Variants in TBC1D8 observed in about 807,000 individuals in gnomAD.
TBC1D8 encodes the protein TBC1 domain family member 8, also known as BUB2-like protein 1.
TBC1D8 carries 65 observed loss-of-function variants against 118.8 expected under a neutral mutation model. The observed-to-expected ratio is 0.55, with a 90% CI of 0.45 to 0.67. The LOEUF is 0.67. Ranked by LOEUF, TBC1D8 falls within the 30% of genes least tolerant of loss-of-function variation. TBC1D8 has a pLI of 0.00. For missense variants in TBC1D8, 1,376 were observed against 1,471.2 expected (o/e 0.94, Z 1.06); for synonymous variants, 566 against 595.8 (o/e 0.95, Z 0.73).
chr2:101,029,369 G>T, intron 12 of TBC1D8, 122 bp downstream of exon 12: 4 of 1,146,984 alleles, frequency 3.5e-6, no homozygotes, highest in Non-Finnish European at 4.8e-6. Flanking sequence ...TCCAGCCTGG[G>T]CAACAGAGTG....
chr2:101,029,165 G>A (rs74535930), intron 12 of TBC1D8, among the ~76,000 whole-genome samples: 17,139 of 152,206 alleles, frequency 0.11, 1,253 homozygotes, highest in East Asian at 0.28. Context: ...GAGGAGGGTG[G>A]ATCACTTGAG....
chr2:101,046,203 T>C (rs984057322), intron 5 of TBC1D8, among the ~76,000 whole-genome samples: 2 of 152,228 alleles, frequency 1.3e-5, no homozygotes, highest in African/African-American at 2.4e-5. Context: ...GAAGCTGCCA[T>C]GCAGCTGCTA....
At chr2:101,030,651 G>A (rs1680616769) in intron 11 of TBC1D8, among the ~76,000 whole-genome samples, 1 of 152,158 alleles carries the variant, frequency 6.6e-6, no homozygotes, top group South Asian at 2.1e-4. Context: ...ATTCTCCTAG[G>A]TAAATACCCA....
At position 101,033,720 on chromosome 2, in the gene TBC1D8, C is replaced by T. The variant is rs773126071; in HGVS notation, c.1642G>A (p.Gly548Arg). ...TDLASHPGYY[G>R]NLVEESLGKC... ...CCCAGGGACTCCTCCACCAGATTCC[C>T]GTAGTAACCAGGGTGTGAGGCAAGA... The change falls in exon 10 of 20, where the codon GGG (glycine) becomes AGG (arginine). Residue 548 changes from glycine to arginine, a missense_variant. Gly to Arg is a moderately radical substitution (Grantham distance 125, BLOSUM62 -2). Transcript: ENST00000409318. The T allele has an allele frequency of 1.9e-5, 31 of 1,613,708 alleles. No individual in the cohort carries two copies. The highest frequency in any genetic ancestry group is 2.5e-5 in the Non-Finnish European group (29 of 1,179,840).
At chr2:101,018,009 A>G in intron 17 of TBC1D8, 1 of 1,396,154 alleles carries the variant, frequency 7.2e-7, no homozygotes, top group Non-Finnish European at 9.9e-7. Flanking sequence ...TTCTACTTCA[A>G]GCATGTGCTC....
intron 5 of TBC1D8, among the ~76,000 whole-genome samples, chr2:101,048,994 T>A (rs934450837): frequency 2.1e-4 from 32 of 152,208 alleles, no homozygotes; most frequent in African/African-American, 7.5e-4. Context: ...ATTTTGCTGA[T>A]GACTTCATCT....
At chr2:101,142,185 C>T (rs1335663792) in intron 1 of TBC1D8, among the ~76,000 whole-genome samples, 3 of 152,116 alleles carry the variant, frequency 2.0e-5, no homozygotes, top group Middle Eastern at 3.2e-3. Flanking sequence ...TATAGGCATG[C>T]ACCACCATGC....
At chr2:101,097,865 T>C (rs1309780862) in intron 1 of TBC1D8, among the ~76,000 whole-genome samples, 1 of 152,132 alleles carries the variant, frequency 6.6e-6, no homozygotes, top group African/African-American at 2.4e-5. Flanking sequence ...CAGTGAGACC[T>C]TGTCTCAAAA....
Position 101,028,062 on chromosome 2 carries a change from T to C in TBC1D8, c.2437A>G (p.Thr813Ala). Reference sequence around the variant, plus strand: ...CTGCTACCCACCACGTTCTGCTTTGTGGTGTCCTCGTGGCCTTGGAGGACC... The same window carrying C: ...CTGCTACCCACCACGTTCTGCTTTGCGGTGTCCTCGTGGCCTTGGAGGACC... The part of the protein sequence containing the change: ...IRVLQGHEDT[T>A]KQNVLRVVIP... The change falls in exon 14 of 20, where the codon ACA (threonine) becomes GCA (alanine). Residue 813 changes from threonine (T) to alanine (A), a missense_variant. By Grantham distance (58) the Thr-to-Ala change is moderately conservative. Transcript: ENST00000409318. 1 of 1,614,050 alleles carries C rather than the reference T, an allele frequency of 6.2e-7. No homozygotes were observed. The highest frequency in any genetic ancestry group is 8.5e-7 in the Non-Finnish European group (1 of 1,179,910).
chr2:101,054,541 G>T (rs533542672), intron 3 of TBC1D8, among the ~76,000 whole-genome samples: 5 of 151,914 alleles, frequency 3.3e-5, no homozygotes, highest in African/African-American at 1.2e-4. Context: ...AGAAAAAAAA[G>T]GAATGGCAGT....
intron 1 of TBC1D8, among the ~76,000 whole-genome samples, chr2:101,141,747 T>TA (rs201695599): frequency 3.4e-5 from 5 of 146,608 alleles, no homozygotes; most frequent in Non-Finnish European, 7.5e-5. Flanking sequence ...AGCCTGACTT[T>TA]AAAAAAAAAT....
intron 2 of TBC1D8, among the ~76,000 whole-genome samples, chr2:101,087,079 C>T (rs1053485620): frequency 2.6e-5 from 4 of 151,978 alleles, no homozygotes; most frequent in Non-Finnish European, 5.9e-5. Flanking sequence ...CCACCGCGCC[C>T]GGCTGAATTT....
chr2:101,053,558 A>G (rs934210514), intron 4 of TBC1D8, among the ~76,000 whole-genome samples: 1 of 152,232 alleles, frequency 6.6e-6, no homozygotes, highest in Non-Finnish European at 1.5e-5. Context: ...TAAACACTCA[A>G]TACACAATTG....
At position 101,041,323 on chromosome 2, in the gene TBC1D8, T is replaced by TA. The variant is rs915527172; in HGVS notation, c.873-939dup. Among the ~76,000 whole-genome samples, 57 of 152,344 alleles carry TA rather than the reference T, an allele frequency of 3.7e-4. 1 individual carries two copies. Among genetic ancestry groups the TA allele is most frequent in the African/African-American group, 1.3e-3 (54 of 41,576 alleles). Reference sequence around the variant, plus strand: ...ATAAGTGGATAAACAAAATGTAGTGTATCCATACAATCAAATATTGTTCAG... The same window carrying TA: ...ATAAGTGGATAAACAAAATGTAGTGTAATCCATACAATCAAATATTGTTCAG... On this transcript the variant is annotated intron_variant, in intron 5 of 19. Coordinates refer to ENST00000409318, the MANE Select transcript of TBC1D8 (RefSeq NM_001330348.2).
intron 2 of TBC1D8, among the ~76,000 whole-genome samples, chr2:101,078,374 C>T (rs1431036485): frequency 4.6e-5 from 7 of 152,118 alleles, no homozygotes; most frequent in Admixed American, 4.6e-4. Flanking sequence ...TGGATTAAAA[C>T]CCAGATCTAT....
In TBC1D8 at chr2:101,050,457, A is replaced by T. The variant is rs151200078; in HGVS notation, c.816T>A (p.Asp272Glu). The stretch of plus-strand genomic sequence containing the variant: ...CGGGGTCGAGGTCAAAGACCTCATT[A>T]TCCAGCAGCCTTCGCAGCGTCACGT... ...LADVTLRRLLDNEVFDLDPDL... is the reference protein window; with the variant it reads ...LADVTLRRLLENEVFDLDPDL... Residue 272 changes from aspartate (D) to glutamate (E), a missense_variant, in exon 5 of 20, where the codon GAT becomes GAA. By Grantham distance (45) the Asp-to-Glu change is conservative. Coordinates refer to ENST00000409318, the MANE Select transcript of TBC1D8 (RefSeq NM_001330348.2). 6.4e-4 allele frequency: 1,034 copies of T among 1,613,950 alleles called. 8 individuals are homozygous for T. In the African/African-American group the frequency reaches 6.7e-3, roughly 10 times the overall value.
At chr2:101,098,316 T>G (rs1456312180) in intron 1 of TBC1D8, among the ~76,000 whole-genome samples, 1 of 151,980 alleles carries the variant, frequency 6.6e-6, no homozygotes, top group Non-Finnish European at 1.5e-5. Flanking sequence ...AGGGTAGATG[T>G]TGCAGTGAGC....
chr2:101,017,923 G>A, intron 17 of TBC1D8: 6 of 1,550,674 alleles, frequency 3.9e-6, no homozygotes, highest in Non-Finnish European at 5.2e-6. Flanking sequence ...AACAAGAAGA[G>A]GAAAGCAAAT....
intron 1 of TBC1D8, among the ~76,000 whole-genome samples, chr2:101,144,935 C>T (rs1255551336): frequency 6.6e-6 from 1 of 152,150 alleles, no homozygotes; most frequent in African/African-American, 2.4e-5. Context: ...GAGACTCTGT[C>T]TCCAAAAATA....
Sources: gnomAD v4.1 joint callset for allele counts (sites outside exome capture counted in the v4.1 genomes callset) on GRCh38, gnomAD v4.1.1 for gene constraint, MANE v1.5 for transcripts, NCBI Gene and HGNC (gene_info 2026-07-23, HGNC 2026-07-21) for gene names.